The following MACROD2 variants were observed in gnomAD, a reference collection of about 807,000 sequenced individuals.
MACROD2 encodes the protein ADP-ribose glycohydrolase MACROD2.
A neutral mutation model predicts 70.4 loss-of-function variants in MACROD2; 36 were observed. The ratio of observed to expected loss-of-function variants is 0.51; its 90% CI spans 0.39 to 0.68. The LOEUF (loss-of-function observed/expected upper bound fraction) is 0.68. MACROD2 is among the 30% of genes least tolerant of loss of function. The pLI is 0.00. For missense variants in MACROD2, 496 were observed against 538.4 expected (o/e 0.92, Z 0.78); for synonymous variants, 172 against 178.8 (o/e 0.96, Z 0.30).
At chr20:14,945,687 G>A (rs173293) in intron 5 of MACROD2, among the ~76,000 whole-genome samples, 12,887 of 152,160 alleles carry the variant, frequency 0.085, 714 homozygotes, top group African/African-American at 0.16. Flanking sequence ...GAGCTTGGGG[G>A]AATGAACTGC....
chr20:14,470,745 A>G (rs1229427001), intron 3 of MACROD2, among the ~76,000 whole-genome samples: 1 of 152,126 alleles, frequency 6.6e-6, no homozygotes, highest in African/African-American at 2.4e-5. Context: ...TGCCTACTCA[A>G]GCGTCAGTAA....
At chr20:15,978,388 A>G (rs1487606126) in intron 13 of MACROD2, among the ~76,000 whole-genome samples, 1 of 152,152 alleles carries the variant, frequency 6.6e-6, no homozygotes, top group Non-Finnish European at 1.5e-5. Context: ...ACGTGGATAA[A>G]CCTAAGTTAC....
intron 5 of MACROD2, among the ~76,000 whole-genome samples, chr20:14,964,457 T>C (rs1399406473): frequency 6.6e-5 from 10 of 151,842 alleles, no homozygotes; most frequent in Admixed American, 3.3e-4. Flanking sequence ...CCTGTAGTCC[T>C]AGCTACTCAG....
intron 8 of MACROD2, among the ~76,000 whole-genome samples, chr20:15,539,529 T>C (rs2047925788): frequency 6.6e-6 from 1 of 152,250 alleles, no homozygotes; most frequent in African/African-American, 2.4e-5. Flanking sequence ...ATTTCAATAC[T>C]GAAGTAGAAT....
At chr20:15,311,031 A>G (rs566036889) in intron 6 of MACROD2, among the ~76,000 whole-genome samples, 1 of 152,352 alleles carries the variant, frequency 6.6e-6, no homozygotes, top group South Asian at 2.1e-4. Context: ...TTCAGAGCAG[A>G]AAGGGGATAA....
Position 15,597,287 on chromosome 20 carries a change from G to A in MACROD2, c.645+97440G>A, listed in dbSNP as rs1387355005. Among the ~76,000 whole-genome samples the A allele has an allele frequency of 1.3e-5, 2 of 152,218 alleles. 1 individual carries two copies. Among genetic ancestry groups the A allele is most frequent in the East Asian group, 3.8e-4 (2 of 5,198 alleles). ...AAGTTAGGGAATATATTGGCCTGAG[G>A]CGTGTCTCCACATGAAAAATGTAAA... On this transcript the variant is annotated intron_variant, in intron 8 of 17. Coordinates refer to ENST00000684519, the MANE Select transcript of MACROD2 (RefSeq NM_001351661.2).
chr20:15,035,629 C>CA (rs1157053298), intron 5 of MACROD2, among the ~76,000 whole-genome samples: 1 of 152,146 alleles, frequency 6.6e-6, no homozygotes, highest in Non-Finnish European at 1.5e-5. Context: ...CACTGAGGCT[C>CA]CTACTTGATA....
intron 10 of MACROD2, among the ~76,000 whole-genome samples, chr20:15,919,737 AAAG>A (rs1169652886): frequency 6.6e-6 from 1 of 152,134 alleles, no homozygotes; most frequent in African/African-American, 2.4e-5. Flanking sequence ...TCCATTTGAA[AAAG>A]AAGAAGGGAA....
intron 10 of MACROD2, among the ~76,000 whole-genome samples, chr20:15,896,576 C>G (rs2147232460): frequency 7.0e-6 from 1 of 143,500 alleles, no homozygotes; most frequent in African/African-American, 2.6e-5. Context: ...CTTCTGTAAT[C>G]TTTTCTCTTT....
At chr20:14,990,946 T>G (rs953669567) in intron 5 of MACROD2, among the ~76,000 whole-genome samples, 2 of 152,242 alleles carry the variant, frequency 1.3e-5, no homozygotes, top group African/African-American at 4.8e-5. Flanking sequence ...TCACATGCAT[T>G]ATTTTTGCTC....
At chr20:15,996,133 G>T (rs951177103) in intron 15 of MACROD2, among the ~76,000 whole-genome samples, 4 of 152,048 alleles carry the variant, frequency 2.6e-5, no homozygotes, top group Non-Finnish European at 4.4e-5. Flanking sequence ...AGTGTAAAAG[G>T]TTCCCTTTTT....
At chr20:15,169,999 C>T (rs1359962559) in intron 5 of MACROD2, among the ~76,000 whole-genome samples, 2 of 152,148 alleles carry the variant, frequency 1.3e-5, no homozygotes, top group African/African-American at 4.8e-5. Context: ...TAGTTTTATG[C>T]TTTTGCTGCC....
intron 3 of MACROD2, among the ~76,000 whole-genome samples, chr20:14,088,289 C>T (rs2054105551): frequency 7.1e-6 from 1 of 140,914 alleles, no homozygotes. Flanking sequence ...GAGATCGTGC[C>T]ACTGCACTCC....
intron 3 of MACROD2, among the ~76,000 whole-genome samples, chr20:14,328,263 T>A (rs530133798): frequency 6.6e-6 from 1 of 152,142 alleles, no homozygotes; most frequent in Non-Finnish European, 1.5e-5. Flanking sequence ...AGCTAATACA[T>A]CCAGCTAACC....
chr20:16,034,524 TG>T (rs2067197390), intron 15 of MACROD2, among the ~76,000 whole-genome samples: 2 of 152,026 alleles, frequency 1.3e-5, no homozygotes, highest in South Asian at 4.1e-4. Context: ...CATCCGAGCT[TG>T]GGAGTTAAAT....
At chr20:15,968,248 T>A (rs2066172480) in intron 13 of MACROD2, among the ~76,000 whole-genome samples, 1 of 152,162 alleles carries the variant, frequency 6.6e-6, no homozygotes. Context: ...AGAGTCAGAT[T>A]AGCCTTAACC....
At chr20:14,364,970 A>G (rs1394034548) in intron 3 of MACROD2, among the ~76,000 whole-genome samples, 6 of 152,196 alleles carry the variant, frequency 3.9e-5, no homozygotes, top group Non-Finnish European at 7.3e-5. Context: ...GTTCAGAGTA[A>G]TGCTAGCTTC....
At chr20:15,255,358 G>T (rs574026241) in intron 6 of MACROD2, among the ~76,000 whole-genome samples, 1 of 152,186 alleles carries the variant, frequency 6.6e-6, no homozygotes, top group African/African-American at 2.4e-5. Context: ...ACTTCTCTTT[G>T]CCTATTTGAA....
intron 10 of MACROD2, among the ~76,000 whole-genome samples, chr20:15,905,029 G>A (rs2065126371): frequency 6.6e-6 from 1 of 152,100 alleles, no homozygotes; most frequent in Non-Finnish European, 1.5e-5. Flanking sequence ...TTAGGTGTAC[G>A]ATCATATTCT....
Sources: gnomAD v4.1 joint callset for allele counts (sites outside exome capture counted in the v4.1 genomes callset) on GRCh38, gnomAD v4.1.1 for gene constraint, MANE v1.5 for transcripts, NCBI Gene and HGNC (gene_info 2026-07-23, HGNC 2026-07-21) for gene names.